The following MYRIP variants were observed in gnomAD, a reference collection of about 807,000 sequenced individuals.
MYRIP encodes the protein myosin VIIA and Rab interacting protein, also known as rab effector MyRIP.
Under a neutral mutation model 98.0 loss-of-function variants are expected in MYRIP, and 49 were observed. That is an observed-to-expected ratio of 0.50 (90% confidence interval 0.40 to 0.63). The LOEUF is 0.63. MYRIP is among the 30% of genes least tolerant of loss of function. The pLI is 0.00. For missense variants in MYRIP, 1,004 were observed against 1,058.2 expected (o/e 0.95, Z 0.71); for synonymous variants, 404 against 409.5 (o/e 0.99, Z 0.16).
At chr3:40,048,261 C>T (rs560918639) in intron 3 of MYRIP, among the ~76,000 whole-genome samples, 1 of 152,272 alleles carries the variant, frequency 6.6e-6, no homozygotes, top group South Asian at 2.1e-4. Context: ...TATTCACTCC[C>T]CACTACCCAT....
chr3:40,091,958 A>G (rs1382324895), intron 3 of MYRIP, among the ~76,000 whole-genome samples: 1 of 152,226 alleles, frequency 6.6e-6, no homozygotes, highest in Non-Finnish European at 1.5e-5. Context: ...TTGAATTTGC[A>G]TGGAAAGAGA....
chr3:39,927,308 C>A (rs1177294262), intron 2 of MYRIP, among the ~76,000 whole-genome samples: 1 of 151,914 alleles, frequency 6.6e-6, no homozygotes, highest in Non-Finnish European at 1.5e-5. Flanking sequence ...TATGTGGATA[C>A]CTTTTATTTG....
At chr3:40,129,473 A>AAAAAAAAAAAAAC (rs1559412591) in intron 3 of MYRIP, among the ~76,000 whole-genome samples, 1 of 133,194 alleles carries the variant, frequency 7.5e-6, no homozygotes, top group Non-Finnish European at 1.6e-5. Context: ...AAAAAAAAAA[A>AAAAAAAAAAAAAC]AAATCATGCC....
In MYRIP at chr3:40,162,717, C is replaced by T; in HGVS notation, c.470-13C>T. On this transcript the variant is annotated splice_polypyrimidine_tract_variant and intron_variant, in intron 4 of 16. Transcript: ENST00000302541. ...ATCATATTCATTCTCTTCTCCCACC[C>T]CTACCCTGCCAGGAGGAAGCCTTTT... 1 of 1,612,732 alleles carries T rather than the reference C, an allele frequency of 6.2e-7. No homozygotes were observed. The highest frequency in any genetic ancestry group is 8.5e-7 in the Non-Finnish European group (1 of 1,178,806).
At chr3:40,204,473 C>A (rs1049609496) in intron 10 of MYRIP, among the ~76,000 whole-genome samples, 1 of 151,206 alleles carries the variant, frequency 6.6e-6, no homozygotes, top group East Asian at 2.0e-4. Flanking sequence ...TGAACCACCA[C>A]GCCTGGCCAC....
At chr3:40,008,396 G>A (rs1946681206) in intron 2 of MYRIP, among the ~76,000 whole-genome samples, 1 of 152,164 alleles carries the variant, frequency 6.6e-6, no homozygotes, top group South Asian at 2.1e-4. Context: ...TTAAAATGAA[G>A]CCTGTTAAAC....
chr3:40,253,079 C>T (rs1953431922), intron 16 of MYRIP, among the ~76,000 whole-genome samples: 2 of 152,128 alleles, frequency 1.3e-5, no homozygotes, highest in African/African-American at 4.8e-5. Context: ...TTACATCAGA[C>T]CAGAATAACC....
At chr3:40,057,493 A>C (rs1355935102) in intron 3 of MYRIP, among the ~76,000 whole-genome samples, 1 of 152,200 alleles carries the variant, frequency 6.6e-6, no homozygotes, top group Non-Finnish European at 1.5e-5. Flanking sequence ...TATGTCATAA[A>C]ATAGGAGAAT....
chr3:40,107,642 G>T (rs1479157064), intron 3 of MYRIP, among the ~76,000 whole-genome samples: 1 of 152,056 alleles, frequency 6.6e-6, no homozygotes, highest in Non-Finnish European at 1.5e-5. Context: ...GATGTCTCTG[G>T]CCAGAGCAAA....
intron 2 of MYRIP, among the ~76,000 whole-genome samples, chr3:40,035,105 G>A (rs1372899280): frequency 6.7e-6 from 1 of 149,164 alleles, no homozygotes; most frequent in African/African-American, 2.5e-5. Flanking sequence ...GATAGCATTA[G>A]GAGATATACC....
chr3:40,134,022 C>T lies in MYRIP; in HGVS notation c.333-17026C>T, dbSNP rs374107641. On this transcript the variant is annotated intron_variant, in intron 3 of 16. Coordinates refer to ENST00000302541, the MANE Select transcript of MYRIP (RefSeq NM_015460.4). The stretch of plus-strand genomic sequence containing the variant: ...CTGGGTTCATCTCACTGGGGAGTGC[C>T]GGACAGTGGGTGCAGGACAGTTGGT... Among the ~76,000 whole-genome samples the T allele has an allele frequency of 1.1e-4, 16 of 152,290 alleles. No individual in the cohort carries two copies. In the South Asian group the frequency reaches 1.7e-3, roughly 16 times the overall value.
intron 4 of MYRIP, among the ~76,000 whole-genome samples, chr3:40,157,302 G>T (rs1174539781): frequency 7.4e-6 from 1 of 134,698 alleles, no homozygotes; most frequent in African/African-American, 2.9e-5. Flanking sequence ...TACATTTATT[G>T]ATTTGCGTAT....
intron 1 of MYRIP, among the ~76,000 whole-genome samples, chr3:39,868,159 G>A (rs551549283): frequency 1.3e-5 from 2 of 152,262 alleles, no homozygotes; most frequent in East Asian, 3.9e-4. Flanking sequence ...CACAGAGGAT[G>A]GTACCTAAGC....
In MYRIP at chr3:40,182,312, A is replaced by G; in HGVS notation, c.966A>G (p.Gln322=). ...CGAGGCAGCCAAGGGACCAAGGCCA[A>G]CACCCGAGAGCAGAGTCTGCTCTGC... ...APSRQPRDQG[Q]HPRAESALPS... Residue 322 remains glutamine, a synonymous_variant, in exon 9 of 17, where the codon CAA becomes CAG. Coordinates refer to ENST00000302541, the MANE Select transcript of MYRIP (RefSeq NM_015460.4). 6.2e-7 allele frequency: 1 copy of G among 1,613,994 alleles called. No individual in the cohort carries two copies.
At position 39,900,896 on chromosome 3, in the gene MYRIP, A is replaced by G; in HGVS notation, c.80A>G (p.Asn27Ser). 1.2e-6 allele frequency: 2 copies of G among 1,613,698 alleles called. No individual in the cohort carries two copies. The highest frequency in any genetic ancestry group is 2.7e-5 in the African/African-American group (2 of 75,054). ...HVLQVVQRDF[N>S]LRKKEEERLS... is the part of the protein sequence containing the mutation. ...CTTCAGGTGGTTCAAAGAGACTTCAATCTTCGCAAAAAAGAAGAAGAACGA... is the reference window on the plus strand; with the variant it reads ...CTTCAGGTGGTTCAAAGAGACTTCAGTCTTCGCAAAAAAGAAGAAGAACGA... Residue 27 changes from asparagine (N) to serine (S), a missense_variant, in exon 2 of 17, where the codon AAT (asparagine) becomes AGT (serine). Asn to Ser is a conservative substitution (Grantham distance 46, BLOSUM62 1). This residue lies in a region of MYRIP where 880 missense variants were observed against 907.7 expected (regional missense o/e 0.97). Coordinates refer to ENST00000302541, the MANE Select transcript of MYRIP (RefSeq NM_015460.4).
In MYRIP at chr3:40,169,803, A is replaced by G. The variant is rs1264998048; in HGVS notation, c.730-147A>G. On this transcript the variant is annotated intron_variant, in intron 7 of 16. Transcript: ENST00000302541. ...AAGGCTATAATTGTGCTGGTTTCTC[A>G]TAGCGCAGATCTGAAACAGCCTGGT... 9 of 839,136 alleles carry G rather than the reference A, an allele frequency of 1.1e-5. No homozygotes were observed. In the Admixed American group the frequency reaches 2.0e-4, roughly 19 times the overall value. The allele number at this position is 839,136 out of a possible 1,614,324, so 52.0% of individuals were successfully genotyped here.
At chr3:39,977,132 A>C (rs574139996) in intron 2 of MYRIP, among the ~76,000 whole-genome samples, 35 of 152,048 alleles carry the variant, frequency 2.3e-4, no homozygotes, top group Non-Finnish European at 4.9e-4. Context: ...TTAAAAAAAA[A>C]CGGTGATAAT....
intron 8 of MYRIP, among the ~76,000 whole-genome samples, chr3:40,179,476 A>G (rs768881150): frequency 2.0e-5 from 3 of 152,206 alleles, no homozygotes; most frequent in Non-Finnish European, 4.4e-5. Flanking sequence ...CAGCCACCAC[A>G]TATACACACA....
intron 2 of MYRIP, among the ~76,000 whole-genome samples, chr3:40,008,547 G>A (rs1220311641): frequency 1.3e-5 from 2 of 152,142 alleles, no homozygotes; most frequent in Non-Finnish European, 2.9e-5. Context: ...AAGGAAGAGA[G>A]TATATTGCAG....
Sources: allele counts gnomAD v4.1 joint callset (sites outside exome capture counted in the v4.1 genomes callset), GRCh38; gene constraint gnomAD v4.1.1; regional missense constraint gnomAD v4.1.1; transcripts MANE v1.5; gene names NCBI Gene and HGNC (gene_info 2026-07-23, HGNC 2026-07-21).